EYS: variants seen among roughly 807,000 people sequenced by gnomAD.
EYS encodes EGF-like photoreceptor maintenance factor.
In EYS, 250 loss-of-function variants were observed where a neutral mutation model predicts 282.1. The observed-to-expected ratio is 0.89, with a 90% CI of 0.80 to 0.98. EYS has a LOEUF of 0.98. Ranked by LOEUF, EYS falls within the 50% of genes least tolerant of loss-of-function variation. The pLI is 0.00. For synonymous variants in EYS, 1,355 were observed against 1,282.9 expected (o/e 1.06, Z -1.20); for missense variants, 4,016 against 3,709.0 (o/e 1.08, Z -2.15).
rs182385057 is a variant in EYS at position 64,049,772 on chromosome 6, A to G, written c.6725+16566T>C. Among the ~76,000 whole-genome samples the G allele has an allele frequency of 4.6e-5, 7 of 152,328 alleles. No homozygotes were observed. The East Asian group carries it at 9.6e-4, about 21-fold the overall frequency. The stretch of plus-strand genomic sequence containing the variant: ...GCACCATCTGATTGACTAAAATACT[A>G]AGAACATTGATATTGCAGAAACAAC... On this transcript the variant is annotated intron_variant, in intron 33 of 42. Transcript: ENST00000503581.
intron 8 of EYS, among the ~76,000 whole-genome samples, chr6:65,371,735 CTCTCTCTGTGTGTGTGTGTG>C (rs1454605578): frequency 2.0e-3 from 96 of 47,936 alleles, no homozygotes; most frequent in African/African-American, 6.0e-3. Flanking sequence ...CTCTCTCTCT[CTCTCTCTGTGTGTGTGTGTG>C]TGTGTGTGTG....
chr6:64,843,586 T>C (rs1017915668), intron 19 of EYS, among the ~76,000 whole-genome samples: 1 of 152,168 alleles, frequency 6.6e-6, no homozygotes, highest in African/African-American at 2.4e-5. Context: ...CTTTGGCCAA[T>C]TTCTCCCATT....
chr6:64,848,786 T>C (rs1765793212), intron 19 of EYS, among the ~76,000 whole-genome samples: 1 of 152,052 alleles, frequency 6.6e-6, no homozygotes, highest in Non-Finnish European at 1.5e-5. Context: ...CCATCTAATG[T>C]TAAATTCTTC....
At chr6:63,999,951 A>C (rs1438307912) in intron 33 of EYS, among the ~76,000 whole-genome samples, 1 of 152,140 alleles carries the variant, frequency 6.6e-6, no homozygotes, top group African/African-American at 2.4e-5. Flanking sequence ...AGTAACTTGC[A>C]CTGTTATAAA....
intron 31 of EYS, among the ~76,000 whole-genome samples, chr6:64,228,795 T>G (rs1205364019): frequency 6.6e-6 from 1 of 152,096 alleles, no homozygotes; most frequent in East Asian, 1.9e-4. Flanking sequence ...CTTGCTTAAC[T>G]CCAAAAATCC....
intron 19 of EYS, among the ~76,000 whole-genome samples, chr6:64,833,018 C>T (rs535966098): frequency 2.6e-5 from 4 of 151,886 alleles, no homozygotes; most frequent in Non-Finnish European, 5.9e-5. Flanking sequence ...CTGCCACATT[C>T]CCCATTCCAA....
At chr6:64,786,756 T>TA (rs869126678) in intron 22 of EYS, among the ~76,000 whole-genome samples, 12 of 152,314 alleles carry the variant, frequency 7.9e-5, no homozygotes, top group South Asian at 2.1e-4. Flanking sequence ...CATGATTTTT[T>TA]AAAAAATTAT....
chr6:64,772,082 C>T (rs1025087860), intron 22 of EYS, among the ~76,000 whole-genome samples: 3 of 151,202 alleles, frequency 2.0e-5, no homozygotes, highest in Non-Finnish European at 4.4e-5. Flanking sequence ...TTGGCATTTT[C>T]CTGTTATTTT....
At chr6:64,696,822 C>T (rs1770598802) in intron 22 of EYS, among the ~76,000 whole-genome samples, 1 of 152,074 alleles carries the variant, frequency 6.6e-6, no homozygotes, top group Non-Finnish European at 1.5e-5. Context: ...TGAGACTGGT[C>T]CTACAAGAAA....
At chr6:64,913,252 T>A (rs74948434) in intron 15 of EYS, among the ~76,000 whole-genome samples, 7,820 of 152,178 alleles carry the variant, frequency 0.051, 265 homozygotes, top group East Asian at 0.13. Flanking sequence ...TAAAAATATA[T>A]TTTCTTTTTT....
intron 11 of EYS, chr6:65,329,661 A>G (rs1329270547): frequency 1.0e-6 from 1 of 982,358 alleles, no homozygotes; most frequent in Admixed American, 6.2e-5. Context: ...AAATAAATAA[A>G]CCTAAAACCA....
intron 22 of EYS, among the ~76,000 whole-genome samples, chr6:64,646,533 G>T (rs1193240246): frequency 6.6e-6 from 1 of 152,140 alleles, no homozygotes; most frequent in Non-Finnish European, 1.5e-5. Context: ...GCAGGGCGCG[G>T]TGACTCACTC....
rs182504617 is a variant in EYS at position 64,870,543 on chromosome 6, A to T, written c.2992+16154T>A. ...CATCACAAGGCATAGTGAAAGAAGG[A>T]AACAGGAAAAGATGGCCCATTGAAA... is the stretch of plus-strand genomic sequence containing the variant. On this transcript the variant is annotated intron_variant, in intron 19 of 42. Transcript: ENST00000503581. Among the ~76,000 whole-genome samples the T allele has an allele frequency of 4.4e-3, 666 of 151,806 alleles. 5 individuals carry two copies. Among genetic ancestry groups the T allele is most frequent in the African/African-American group, 0.015 (636 of 41,502 alleles).
chr6:65,219,755 T>C (rs1254910745), intron 12 of EYS, among the ~76,000 whole-genome samples: 1 of 152,100 alleles, frequency 6.6e-6, no homozygotes, highest in African/African-American at 2.4e-5. Flanking sequence ...CAGTTCCATA[T>C]GGTTGGGGAA....
At chr6:64,494,449 C>T (rs1562024688) in intron 26 of EYS, among the ~76,000 whole-genome samples, 1 of 151,638 alleles carries the variant, frequency 6.6e-6, no homozygotes, top group Non-Finnish European at 1.5e-5. Flanking sequence ...ATACTGTGTA[C>T]AGTTGTTTGT....
intron 26 of EYS, among the ~76,000 whole-genome samples, chr6:64,491,843 A>G (rs1538119): frequency 0.3 from 45,210 of 151,006 alleles, 6,814 homozygotes; most frequent in East Asian, 0.47. Flanking sequence ...TGTTAATGTC[A>G]TAATGCAAGA....
intron 29 of EYS, among the ~76,000 whole-genome samples, chr6:64,331,199 T>C (rs1582609215): frequency 6.6e-6 from 1 of 152,122 alleles, no homozygotes; most frequent in Non-Finnish European, 1.5e-5. Flanking sequence ...ACTCAAGGTA[T>C]GTTTTTGCCA....
At chr6:65,249,435 TC>T (rs955099832) in intron 12 of EYS, among the ~76,000 whole-genome samples, 1 of 151,912 alleles carries the variant, frequency 6.6e-6, no homozygotes, top group Non-Finnish European at 1.5e-5. Flanking sequence ...CAACTCCCAG[TC>T]CAGTATTTCA....
chr6:65,007,734 C>A (rs572111761), intron 13 of EYS, among the ~76,000 whole-genome samples: 11 of 152,154 alleles, frequency 7.2e-5, no homozygotes, highest in Non-Finnish European at 1.6e-4. Context: ...CCCAATTATG[C>A]CCCCTCCAAG....
Sources: gnomAD v4.1 joint callset for allele counts (sites outside exome capture counted in the v4.1 genomes callset) on GRCh38, gnomAD v4.1.1 for gene constraint, MANE v1.5 for transcripts, NCBI Gene and HGNC (gene_info 2026-07-23, HGNC 2026-07-21) for gene names.